The following MMP26 variants were observed in gnomAD, a reference collection of about 807,000 sequenced individuals.
The protein encoded by MMP26 is matrix metalloproteinase-26.
In MMP26, 33 loss-of-function variants were observed where a neutral mutation model predicts 31.0. That is an observed-to-expected ratio of 1.06 (90% CI 0.81 to 1.42). The LOEUF is 1.42. MMP26 is among the 40% of genes most tolerant of loss of function. MMP26 has a pLI of 0.00. For synonymous variants in MMP26, 122 were observed against 114.9 expected (o/e 1.06, Z -0.40); for missense variants, 347 against 316.1 (o/e 1.10, Z -0.74).
At chr11:4,767,721 C>T (rs1287891986) in intron 2 of MMP26, among the ~76,000 whole-genome samples, 3 of 152,026 alleles carry the variant, frequency 2.0e-5, no homozygotes, top group African/African-American at 7.3e-5. Context: ...CAAAAATAGG[C>T]TCTTGCAAGC....
At chr11:4,889,874 A>G (rs988851516) in intron 2 of MMP26, 1 of 159,508 alleles carries the variant, frequency 6.3e-6, no homozygotes, top group South Asian at 1.9e-4. Context: ...GATCGTCTTC[A>G]GGATGAGCAC....
Position 4,948,596 on chromosome 11 carries a change from A to G in MMP26, c.-144-39472A>G, listed in dbSNP as rs369641719. On this transcript the variant is annotated intron_variant, in intron 2 of 7. Coordinates refer to ENST00000380390, the MANE Select transcript of MMP26 (RefSeq NM_021801.5). The stretch of plus-strand genomic sequence containing the variant: ...AGTTGATTCTAGTGGATAAGATGAA[A>G]CATTTGGTCCTACAGTTGCAAATCT... Among the ~76,000 whole-genome samples, 81 of 124,184 alleles carry G rather than the reference A, an allele frequency of 6.5e-4. 18 individuals are homozygous for G. Among genetic ancestry groups the G allele is most frequent in the African/African-American group, 2.1e-3 (79 of 36,792 alleles). 81.5% of individuals were successfully genotyped at this position (124,184 alleles called of 152,430 possible). A position where few individuals can be genotyped will look rare whatever the true frequency, so the allele number is the denominator to read the frequency against.
At chr11:4,984,773 G>T (rs1846862831) in intron 2 of MMP26, among the ~76,000 whole-genome samples, 2 of 151,998 alleles carry the variant, frequency 1.3e-5, no homozygotes, top group Admixed American at 6.6e-5. Flanking sequence ...TTTCAGGAGG[G>T]TTTCATTTAT....
intron 1 of MMP26, among the ~76,000 whole-genome samples, chr11:4,737,309 G>A (rs946397329): frequency 6.6e-6 from 1 of 151,886 alleles, no homozygotes; most frequent in East Asian, 1.9e-4. Flanking sequence ...CATGATTCTT[G>A]TTTCCTGATT....
At chr11:4,787,762 C>A (rs1005639385) in intron 2 of MMP26, 1 of 152,192 alleles carries the variant, frequency 6.6e-6, no homozygotes, top group African/African-American at 2.4e-5. Context: ...TGTTGCATTT[C>A]TCTCCCATGC....
intron 2 of MMP26, among the ~76,000 whole-genome samples, chr11:4,934,366 T>C (rs951679057): frequency 4.5e-5 from 5 of 111,414 alleles, no homozygotes; most frequent in African/African-American, 2.0e-4. Context: ...GCTGCATAAA[T>C]GTCTTCTTTT....
rs1846357810 is a variant in MMP26, at chr11:4,950,161, C to CTTAG, written c.-144-37907_-144-37906insTTAG. On this transcript the variant is annotated intron_variant, in intron 2 of 7. Coordinates refer to ENST00000380390, the MANE Select transcript of MMP26 (RefSeq NM_021801.5). Reference sequence around the variant, plus strand: ...ACATTAATTTGAGTTGGACAATAGGCCTAAGTATTCAAGGTAAAACAAAAA... The same window carrying CTTAG: ...ACATTAATTTGAGTTGGACAATAGGCTTAGCTAAGTATTCAAGGTAAAACAAAAA... Among the ~76,000 whole-genome samples the CTTAG allele has an allele frequency of 1.6e-5, 2 of 122,374 alleles. 1 individual carries two copies. The highest frequency in any genetic ancestry group is 5.5e-5 in the African/African-American group (2 of 36,350). 80.3% of individuals were successfully genotyped at this position (122,374 alleles called of 152,430 possible). A position where few individuals can be genotyped will look rare whatever the true frequency, so the allele number is the denominator to read the frequency against.
At chr11:4,980,340 G>A (rs7104280) in intron 2 of MMP26, among the ~76,000 whole-genome samples, 35,559 of 151,780 alleles carry the variant, frequency 0.23, 4,478 homozygotes, top group African/African-American at 0.32. Context: ...AATTTAACAT[G>A]ACAAGAGTCC....
At chr11:4,908,909 G>T (rs1204527591) in intron 2 of MMP26, 1 of 156,038 alleles carries the variant, frequency 6.4e-6, no homozygotes, top group African/African-American at 2.4e-5. Flanking sequence ...TGGGAGAGAT[G>T]AGGAAGGAAG....
intron 2 of MMP26, among the ~76,000 whole-genome samples, chr11:4,885,863 C>T (rs1004817008): frequency 1.3e-5 from 2 of 152,030 alleles, no homozygotes; most frequent in Admixed American, 1.3e-4. Context: ...TCAAAATAGG[C>T]CTGTTGCCAT....
intron 2 of MMP26, among the ~76,000 whole-genome samples, chr11:4,864,221 A>T (rs10836851): frequency 0.32 from 49,060 of 152,126 alleles, 9,674 homozygotes; most frequent in Non-Finnish European, 0.44. Flanking sequence ...TTGTTATTCC[A>T]ATACCTCATG....
chr11:4,790,185 C>T (rs1187513787), intron 2 of MMP26, among the ~76,000 whole-genome samples: 1 of 151,910 alleles, frequency 6.6e-6, no homozygotes, highest in Non-Finnish European at 1.5e-5. Flanking sequence ...ACTAAAAATA[C>T]AAAAAATTAG....
chr11:4,834,896 C>T (rs944031494), intron 2 of MMP26, among the ~76,000 whole-genome samples: 1 of 151,284 alleles, frequency 6.6e-6, no homozygotes, highest in African/African-American at 2.4e-5. Context: ...ATTATTTTGT[C>T]TATATATATA....
chr11:4,706,308 C>G (rs1250231975), intron 1 of MMP26, among the ~76,000 whole-genome samples: 1 of 151,668 alleles, frequency 6.6e-6, no homozygotes, highest in Non-Finnish European at 1.5e-5. Context: ...CACTTGTAAT[C>G]CCAGCACTTT....
chr11:4,819,440 C>A (rs187346838), intron 2 of MMP26, among the ~76,000 whole-genome samples: 67 of 151,504 alleles, frequency 4.4e-4, no homozygotes, highest in Non-Finnish European at 8.1e-4. Flanking sequence ...AGAGAAAGAG[C>A]TGATTAATGG....
At chr11:4,714,181 G>C (rs1391660904) in intron 1 of MMP26, among the ~76,000 whole-genome samples, 1 of 152,140 alleles carries the variant, frequency 6.6e-6, no homozygotes, top group Non-Finnish European at 1.5e-5. Context: ...ACACGCCCTG[G>C]TTTCTTTTAA....
At chr11:4,810,322 T>C (rs1387035629) in intron 2 of MMP26, among the ~76,000 whole-genome samples, 2 of 147,228 alleles carry the variant, frequency 1.4e-5, no homozygotes, top group African/African-American at 4.9e-5. Context: ...GTCGAGTCGA[T>C]GTGTGTATCT....
intron 2 of MMP26, chr11:4,915,400 G>A (rs1003871287): frequency 1.9e-6 from 3 of 1,613,902 alleles, no homozygotes; most frequent in Admixed American, 1.7e-5. Flanking sequence ...CCCAAAAGAT[G>A]CCCAGGACTG....
At chr11:4,862,651 T>G (rs1850179262) in intron 2 of MMP26, among the ~76,000 whole-genome samples, 1 of 152,172 alleles carries the variant, frequency 6.6e-6, no homozygotes, top group Non-Finnish European at 1.5e-5. Context: ...GAGGTTGGGG[T>G]GAGATCAGGC....
Sources: gnomAD v4.1 joint callset for allele counts (sites outside exome capture counted in the v4.1 genomes callset) on GRCh38, gnomAD v4.1.1 for gene constraint, MANE v1.5 for transcripts, NCBI Gene and HGNC (gene_info 2026-07-23, HGNC 2026-07-21) for gene names.